COPG2: variants seen among roughly 807,000 people sequenced by gnomAD.
The protein encoded by COPG2 is coat protein complex I subunit gamma 2.
In COPG2, 37 loss-of-function variants were observed where a neutral mutation model predicts 46.3. That is an observed-to-expected ratio of 0.80 (90% CI 0.61 to 1.05). The LOEUF is 1.05. COPG2 is among the 50% of genes least tolerant of loss of function. The pLI, the probability that COPG2 is intolerant of heterozygous loss-of-function variation, is 0.00. For missense variants in COPG2, 427 were observed against 387.8 expected (o/e 1.10, Z -0.85); for synonymous variants, 159 against 129.7 (o/e 1.23, Z -1.53).
chr7:130,590,112 C>G (rs1303103547), intron 9 of COPG2, among the ~76,000 whole-genome samples: 1 of 152,048 alleles, frequency 6.6e-6, no homozygotes, highest in Admixed American at 6.5e-5. Flanking sequence ...TTTATTTAAG[C>G]CTTTACCCCA....
intron 9 of COPG2, among the ~76,000 whole-genome samples, chr7:130,570,412 G>A (rs1384172899): frequency 2.0e-5 from 3 of 151,934 alleles, no homozygotes; most frequent in Non-Finnish European, 2.9e-5. Context: ...GCAACAGTGA[G>A]CCAGCAGAGA....
At chr7:130,511,672 TG>T (rs1382898765) in intron 20 of COPG2, 1 of 513,954 alleles carries the variant, frequency 1.9e-6, no homozygotes, top group Non-Finnish European at 3.9e-6. Context: ...AATAAGAGAC[TG>T]GAAGCAAAGG....
chr7:130,573,365 T>C (rs369063785), intron 9 of COPG2, among the ~76,000 whole-genome samples: 1 of 152,118 alleles, frequency 6.6e-6, no homozygotes, highest in East Asian at 1.9e-4. Context: ...CTAGTACTAT[T>C]CAGATAAAAA....
rs1796094202 is a variant in COPG2, at chr7:130,666,923, T to C, written c.97A>G (p.Ile33Val). Residue 33 changes from isoleucine to valine, a missense_variant, in exon 3 of 24, where the codon ATA becomes GTA. Coordinates refer to ENST00000425248, the MANE Select transcript of COPG2 (RefSeq NM_012133.6). ...EKSAVLQEAR[I>V]FNETPINPRR... ...GGATTGATTGGAGTTTCATTGAATA[T>C]ACGAGCCTATGAAAAAACATAAAAA... 6.5e-7 allele frequency: 1 copy of C among 1,537,832 alleles called. No individual in the cohort carries two copies.
intron 20 of COPG2, among the ~76,000 whole-genome samples, chr7:130,545,266 C>T (rs1294220355): frequency 6.6e-6 from 1 of 152,040 alleles, no homozygotes; most frequent in East Asian, 1.9e-4. Flanking sequence ...CAGTATGTAG[C>T]AGGGCCAGCA....
intron 20 of COPG2, among the ~76,000 whole-genome samples, chr7:130,522,978 G>A (rs1799737037): frequency 6.6e-6 from 1 of 151,758 alleles, no homozygotes; most frequent in Non-Finnish European, 1.5e-5. Flanking sequence ...AATCAGCTGG[G>A]CGTGGTGGTG....
chr7:130,540,062 A>G (rs1172647175), intron 20 of COPG2, among the ~76,000 whole-genome samples: 3 of 150,460 alleles, frequency 2.0e-5, no homozygotes, highest in African/African-American at 4.9e-5. Flanking sequence ...GGGGTTTGGG[A>G]TGGGATTTGG....
At chr7:130,613,228 A>C (rs1794887016) in intron 7 of COPG2, among the ~76,000 whole-genome samples, 1 of 152,044 alleles carries the variant, frequency 6.6e-6, no homozygotes, top group Non-Finnish European at 1.5e-5. Context: ...TGCGCAGCTC[A>C]CAATAGGGTT....
chr7:130,555,855 T>TAAAAA (rs1159585071), intron 12 of COPG2, among the ~76,000 whole-genome samples: 3 of 151,748 alleles, frequency 2.0e-5, no homozygotes, highest in Non-Finnish European at 4.4e-5. Flanking sequence ...TAAAATAAAA[T>TAAAAA]AAAAATAAAG....
chr7:130,662,934 T>C (rs1563074648), intron 4 of COPG2, 33 bp downstream of exon 4: 1 of 1,341,978 alleles, frequency 7.5e-7, no homozygotes, highest in Non-Finnish European at 1.0e-6. Context: ...AAAAGGAGGT[T>C]TTTCATCGTA....
At chr7:130,585,808 CA>C (rs531446932) in intron 9 of COPG2, among the ~76,000 whole-genome samples, 82 of 151,954 alleles carry the variant, frequency 5.4e-4, no homozygotes, top group South Asian at 4.0e-3. Flanking sequence ...TCAAAAAAAT[CA>C]AAAAACAGTA....
intron 20 of COPG2, among the ~76,000 whole-genome samples, chr7:130,533,897 G>A (rs995153573): frequency 5.4e-5 from 8 of 147,798 alleles, no homozygotes; most frequent in Non-Finnish European, 1.0e-4. Flanking sequence ...TATGTGGGTC[G>A]TGAGATGGGT....
chr7:130,511,064 G>A (rs1032956670), intron 20 of COPG2: 18 of 483,984 alleles, frequency 3.7e-5, no homozygotes, highest in Non-Finnish European at 7.0e-5. Flanking sequence ...AGAACCCAGC[G>A]AATTAGAGAA....
At chr7:130,568,162 CT>C (rs1252359595) in intron 9 of COPG2, among the ~76,000 whole-genome samples, 4 of 152,080 alleles carry the variant, frequency 2.6e-5, no homozygotes, top group African/African-American at 9.7e-5. Context: ...GTAGTCCCAG[CT>C]ACTCGGGAGG....
intron 5 of COPG2, chr7:130,645,585 A>T (rs1554458041): frequency 5.8e-6 from 1 of 173,770 alleles, no homozygotes; most frequent in East Asian, 1.7e-4. Context: ...CACATCCCCC[A>T]CGCTCACCCA....
chr7:130,650,566 T>C (rs1339773123), intron 5 of COPG2, among the ~76,000 whole-genome samples: 2 of 152,248 alleles, frequency 1.3e-5, no homozygotes, highest in African/African-American at 4.8e-5. Context: ...TTTTTTTACT[T>C]GTGGTAGACA....
intron 20 of COPG2, among the ~76,000 whole-genome samples, chr7:130,543,637 A>C: frequency 6.6e-6 from 1 of 152,306 alleles, no homozygotes; most frequent in Non-Finnish European, 1.5e-5. Context: ...GTCATGAGGA[A>C]GCTTATACAT....
chr7:130,517,431 G>A (rs1799688559), intron 20 of COPG2, among the ~76,000 whole-genome samples: 1 of 152,208 alleles, frequency 6.6e-6, no homozygotes, highest in African/African-American at 2.4e-5. Context: ...CGGGGACCCA[G>A]GCAGAAATGG....
chr7:130,510,298 A>G, intron 20 of COPG2: 2 of 500,054 alleles, frequency 4.0e-6, no homozygotes, highest in South Asian at 1.5e-5. Flanking sequence ...TTTCAATGCC[A>G]TTAGGGGTTG....
Sources: gnomAD v4.1 joint callset for allele counts (sites outside exome capture counted in the v4.1 genomes callset) on GRCh38, gnomAD v4.1.1 for gene constraint, MANE v1.5 for transcripts, NCBI Gene and HGNC (gene_info 2026-07-23, HGNC 2026-07-21) for gene names.